FRMD4B: variants seen among roughly 807,000 people sequenced by gnomAD.
The protein encoded by FRMD4B is FERM domain-containing protein 4B.
Under a neutral mutation model 141.5 loss-of-function variants are expected in FRMD4B, and 74 were observed. That is an observed-to-expected ratio of 0.52 (90% confidence interval 0.43 to 0.63). FRMD4B has a LOEUF of 0.63. Ranked by LOEUF, FRMD4B falls within the 30% of genes least tolerant of loss-of-function variation. FRMD4B has a pLI of 0.00. For missense variants in FRMD4B, 1,366 were observed against 1,253.4 expected (o/e 1.09, Z -1.36); for synonymous variants, 506 against 467.9 (o/e 1.08, Z -1.05).
rs114079758 is a variant in FRMD4B, at chr3:69,173,653, A to C, written c.2985-1672T>G. ...CAGACTGTATCCTAAAAAGAATCCT[A>C]AATAAACAAATGGATGGAAATAAGT... On this transcript the variant is annotated intron_variant, in intron 22 of 22. Coordinates refer to ENST00000398540, the MANE Select transcript of FRMD4B (RefSeq NM_015123.3). Among the ~76,000 whole-genome samples the C allele has an allele frequency of 6.3e-3, 960 of 152,294 alleles. 11 individuals carry two copies. The highest frequency in any genetic ancestry group is 0.022 in the African/African-American group (905 of 41,552).
chr3:69,439,064 TG>T (rs1705304348), intron 1 of FRMD4B, among the ~76,000 whole-genome samples: 1 of 5,296 alleles, frequency 1.9e-4, no homozygotes, highest in Non-Finnish European at 2.8e-4. Context: ...TGTGTGTATG[TG>T]TGTGTGTGTG....
chr3:69,373,884 C>T (rs1703898845), intron 1 of FRMD4B, among the ~76,000 whole-genome samples: 1 of 152,094 alleles, frequency 6.6e-6, no homozygotes, highest in East Asian at 1.9e-4. Flanking sequence ...ATCAATCAAT[C>T]AATCGATTAA....
Position 69,457,070 on chromosome 3 carries a change from G to A in FRMD4B, c.-128-24309C>T, listed in dbSNP as rs906796111. Among the ~76,000 whole-genome samples, 114 of 152,204 alleles carry A rather than the reference G, an allele frequency of 7.5e-4. 2 individuals carry two copies. The highest frequency in any genetic ancestry group is 2.7e-3 in the African/African-American group (111 of 41,542). On this transcript the variant is annotated intron_variant, in intron 1 of 5. Coordinates refer to the FRMD4B transcript ENST00000459638. ...TGTGTGTGTGTGTATATTTAACAATGAACATGTATTACTTTTATAACCAGA... is the reference window on the plus strand; with the variant it reads ...TGTGTGTGTGTGTATATTTAACAATAAACATGTATTACTTTTATAACCAGA...
chr3:69,427,654 T>G (rs920363933), intron 2 of FRMD4B, among the ~76,000 whole-genome samples: 2 of 122,290 alleles, frequency 1.6e-5, no homozygotes, highest in Non-Finnish European at 1.7e-5. Context: ...TTTTTTTTTT[T>G]TTTTTTTTTT....
intron 1 of FRMD4B, among the ~76,000 whole-genome samples, chr3:69,439,545 G>C (rs995396898): frequency 2.6e-5 from 4 of 152,212 alleles, no homozygotes; most frequent in Non-Finnish European, 5.9e-5. Context: ...CAGTGCATGA[G>C]AGTCCTAAAT....
intron 7 of FRMD4B, among the ~76,000 whole-genome samples, chr3:69,246,455 A>C (rs1269440794): frequency 4.6e-5 from 7 of 152,194 alleles, no homozygotes; most frequent in Non-Finnish European, 1.0e-4. Flanking sequence ...GCTCTATCTC[A>C]AAAATAAACA....
intron 1 of FRMD4B, among the ~76,000 whole-genome samples, chr3:69,468,200 A>C (rs35609328): frequency 0.22 from 33,522 of 150,302 alleles, 4,119 homozygotes; most frequent in Middle Eastern, 0.31. Flanking sequence ...TATATGCAAA[A>C]GCAGAGAAAA....
intron 1 of FRMD4B, among the ~76,000 whole-genome samples, chr3:69,523,423 A>G (rs1179421073): frequency 6.6e-6 from 1 of 152,130 alleles, no homozygotes; most frequent in East Asian, 1.9e-4. Flanking sequence ...GCACTCAGGT[A>G]TTGGTGTGGG....
chr3:69,501,349 T>C (rs1706494028), intron 1 of FRMD4B, among the ~76,000 whole-genome samples: 1 of 151,910 alleles, frequency 6.6e-6, no homozygotes, highest in Non-Finnish European at 1.5e-5. Flanking sequence ...ATCCCTGGTA[T>C]ATGGCATATA....
intron 1 of FRMD4B, chr3:69,377,103 TTC>T (rs1281089776): frequency 1.3e-5 from 2 of 152,186 alleles, no homozygotes; most frequent in Admixed American, 1.3e-4. Context: ...TTTTAGAAAT[TTC>T]TGTCAGGTGA....
chr3:69,201,375 A>G (rs1190895134), intron 11 of FRMD4B, among the ~76,000 whole-genome samples: 1 of 152,142 alleles, frequency 6.6e-6, no homozygotes, highest in Non-Finnish European at 1.5e-5. Context: ...AGTAACAGCT[A>G]TTTAAGTGGT....
rs57956106 is a variant in FRMD4B, at chr3:69,314,138, C to CAAAAAAAAAAAA, written c.163-633_163-622dup. 4.6e-4 allele frequency among the ~76,000 whole-genome samples: 6 copies of CAAAAAAAAAAAA among 13,176 alleles called. 2 individuals are homozygous for CAAAAAAAAAAAA. Among genetic ancestry groups the CAAAAAAAAAAAA allele is most frequent in the African/African-American group, 1.1e-3 (3 of 2,646 alleles). The allele number at this position is 13,176 out of a possible 152,430, so 8.6% of individuals were successfully genotyped here. A position where few individuals can be genotyped will look rare whatever the true frequency, so the allele number is the denominator to read the frequency against. On this transcript the variant is annotated intron_variant, in intron 1 of 22. Transcript: ENST00000398540. ...TGGGCGACAGAGCGAGACTCCGTCT[C>CAAAAAAAAAAAA]AAAAAAAAAAAAAAAAAAAAAAAAA... is the stretch of plus-strand genomic sequence containing the variant.
chr3:69,455,686 G>C (rs1262625547), intron 1 of FRMD4B, among the ~76,000 whole-genome samples: 1 of 152,204 alleles, frequency 6.6e-6, no homozygotes, highest in Non-Finnish European at 1.5e-5. Context: ...CCAATTTTGG[G>C]CACAAGGTGA....
chr3:69,285,707 G>A (rs183158522), intron 5 of FRMD4B, among the ~76,000 whole-genome samples: 168 of 152,160 alleles, frequency 1.1e-3, no homozygotes, highest in Non-Finnish European at 1.7e-3. Context: ...AGCCGGGTGC[G>A]GTGGTGCACA....
rs2092563627 is a variant in FRMD4B at position 69,169,296 on chromosome 3, T to C, written c.*2565A>G. Among the ~76,000 whole-genome samples the C allele has an allele frequency of 6.6e-6, 1 of 152,004 alleles. No individual in the cohort carries two copies. Among genetic ancestry groups the C allele is most frequent in the South Asian group, 2.1e-4 (1 of 4,820 alleles). ...TTAATACCAATGCGGTTGAGAAATGTTTTTCAAAAGAGACGAAGAAAACCG... is the reference window on the plus strand; with the variant it reads ...TTAATACCAATGCGGTTGAGAAATGCTTTTCAAAAGAGACGAAGAAAACCG... On this transcript the variant is annotated 3_prime_UTR_variant, in exon 23 of 23. Transcript: ENST00000398540.
intron 1 of FRMD4B, among the ~76,000 whole-genome samples, chr3:69,453,685 G>A (rs1013057065): frequency 6.6e-6 from 1 of 152,184 alleles, no homozygotes; most frequent in Non-Finnish European, 1.5e-5. Flanking sequence ...GCCTGGCTGG[G>A]GTGCATGGCA....
intron 5 of FRMD4B, among the ~76,000 whole-genome samples, chr3:69,271,394 T>A (rs932818142): frequency 1.3e-5 from 2 of 152,232 alleles, no homozygotes; most frequent in African/African-American, 4.8e-5. Flanking sequence ...CTCAGTTTTT[T>A]ATCTATGAAA....
chr3:69,440,250 A>G (rs796657158), intron 1 of FRMD4B, among the ~76,000 whole-genome samples: 7 of 152,160 alleles, frequency 4.6e-5, no homozygotes, highest in African/African-American at 1.7e-4. Flanking sequence ...GTTATGTAAG[A>G]ATCTGATTTT....
intron 1 of FRMD4B, among the ~76,000 whole-genome samples, chr3:69,336,144 G>GA (rs908282639): frequency 5.9e-5 from 9 of 152,012 alleles, no homozygotes; most frequent in African/African-American, 1.2e-4. Flanking sequence ...CACAGTTTAA[G>GA]AAAAAAAAGG....
Sources: allele counts gnomAD v4.1 joint callset (sites outside exome capture counted in the v4.1 genomes callset), GRCh38; gene constraint gnomAD v4.1.1; transcripts MANE v1.5; gene names NCBI Gene and HGNC (gene_info 2026-07-23, HGNC 2026-07-21).